Variants in HELLS observed in about 807,000 individuals in gnomAD.
HELLS encodes helicase, lymphoid specific.
Under a neutral mutation model 120.0 loss-of-function variants are expected in HELLS, and 32 were observed. The observed-to-expected ratio is 0.27, with a 90% CI of 0.20 to 0.36. HELLS has a LOEUF of 0.36. HELLS is among the 10% of genes least tolerant of loss of function. The pLI, the probability that HELLS is intolerant of heterozygous loss-of-function variation, is 1.00. For missense variants in HELLS, 650 were observed against 993.4 expected (o/e 0.65, Z 4.65); for synonymous variants, 341 against 323.4 (o/e 1.05, Z -0.58).
rs774230928 is a variant in HELLS at position 94,573,954 on chromosome 10, C to T, written c.478-6C>T. 4 of 1,557,986 alleles carry T rather than the reference C, an allele frequency of 2.6e-6. No homozygotes were observed. The highest frequency in any genetic ancestry group is 2.6e-6 in the Non-Finnish European group (3 of 1,135,780). ...ACACATCTTATTAAACTTTTTTTCT[C>T]TACAGGATGAAAACTCCTCCTCTAC... is the stretch of plus-strand genomic sequence containing the variant. On this transcript the variant is annotated splice_region_variant and splice_polypyrimidine_tract_variant and intron_variant, in intron 7 of 21. Transcript: ENST00000348459.
At chr10:94,583,750 T>G (rs1844988346) in intron 12 of HELLS, among the ~76,000 whole-genome samples, 1 of 152,164 alleles carries the variant, frequency 6.6e-6, no homozygotes, top group Non-Finnish European at 1.5e-5. Flanking sequence ...GAAAAGGACT[T>G]TAAAAATAAA....
In HELLS at chr10:94,571,916, A is replaced by G. The variant is rs556029757; in HGVS notation, c.477+487A>G. On this transcript the variant is annotated intron_variant, in intron 7 of 21. Transcript: ENST00000348459. ...ACTTTTTATTGTTCAAGTACTTAAA[A>G]TTACAAGGTTGCCTAGGGAAGCAAA... is the stretch of plus-strand genomic sequence containing the variant. Among the ~76,000 whole-genome samples the G allele has an allele frequency of 3.3e-5, 5 of 152,330 alleles. No homozygotes were observed. The South Asian group carries it at 8.3e-4, about 25-fold the overall frequency.
At chr10:94,562,926 T>G in intron 6 of HELLS, 50 bp downstream of exon 6, 2 of 1,139,102 alleles carry the variant, frequency 1.8e-6, no homozygotes, top group Non-Finnish European at 2.6e-6. Flanking sequence ...GAGTAAAATG[T>G]AGGTTTTAAA....
intron 6 of HELLS, chr10:94,570,717 A>G (rs1327254550): frequency 6.6e-6 from 1 of 152,008 alleles, no homozygotes; most frequent in East Asian, 1.9e-4. Flanking sequence ...AGCAGCATCT[A>G]GTAGGTACTT....
At chr10:94,571,533 C>T in intron 7 of HELLS, 104 bp downstream of exon 7, 2 of 942,848 alleles carry the variant, frequency 2.1e-6, no homozygotes, top group East Asian at 3.0e-5. Flanking sequence ...CACTATTATC[C>T]TGTTTCTTTG....
At chr10:94,558,288 T>G in intron 4 of HELLS, 93 bp downstream of exon 4, 1 of 1,391,112 alleles carries the variant, frequency 7.2e-7, no homozygotes, top group South Asian at 1.5e-5. Flanking sequence ...CTGTTTAATT[T>G]TAAGTTTCTT....
At chr10:94,564,929 A>G (rs975760290) in intron 6 of HELLS, among the ~76,000 whole-genome samples, 4 of 152,082 alleles carry the variant, frequency 2.6e-5, no homozygotes, top group South Asian at 2.1e-4. Context: ...GCACAACTCT[A>G]TTGTCTACTG....
At chr10:94,606,347 A>AC (rs200639300), downstream of HELLS, among the ~76,000 whole-genome samples, 8 of 149,006 alleles carry the variant, frequency 5.4e-5, no homozygotes, top group East Asian at 4.0e-4. Flanking sequence ...TCTGCCTAGA[A>AC]TTTTTTTGTT....
At chr10:94,571,451 ATT>A (rs773714703) in intron 7 of HELLS, 22 bp downstream of exon 7, 27 of 1,481,534 alleles carry the variant, frequency 1.8e-5, no homozygotes, top group Admixed American at 3.5e-5. Flanking sequence ...ATAATGTAAG[ATT>A]AAGTTTAGAA....
intron 2 of HELLS, among the ~76,000 whole-genome samples, chr10:94,549,836 T>G (rs1012838899): frequency 1.3e-5 from 2 of 152,220 alleles, no homozygotes; most frequent in African/African-American, 4.8e-5. Flanking sequence ...GTTTAAGGAT[T>G]AACCACTTAC....
chr10:94,581,899 G>A (rs1454695525), intron 11 of HELLS, among the ~76,000 whole-genome samples: 1 of 152,190 alleles, frequency 6.6e-6, no homozygotes, highest in East Asian at 1.9e-4. Flanking sequence ...TAGGTGTAAA[G>A]TTGTTACAAG....
At chr10:94,606,351 T>C (rs1002725741), downstream of HELLS, among the ~76,000 whole-genome samples, 1 of 152,100 alleles carries the variant, frequency 6.6e-6, no homozygotes, top group African/African-American at 2.4e-5. Flanking sequence ...CCTAGAATTT[T>C]TTTGTTTGAA....
At chr10:94,602,550 T>C (rs1196182738), downstream of HELLS, among the ~76,000 whole-genome samples, 1 of 152,210 alleles carries the variant, frequency 6.6e-6, no homozygotes, top group East Asian at 1.9e-4. Context: ...CATACATTTC[T>C]GTGTTAGTGT....
chr10:94,560,923 G>C (rs1348946427), intron 4 of HELLS, among the ~76,000 whole-genome samples: 4 of 151,870 alleles, frequency 2.6e-5, no homozygotes, highest in African/African-American at 4.8e-5. Context: ...AGGCATGATG[G>C]CGGGTACCTG....
At chr10:94,606,665 C>T (rs568482382), downstream of HELLS, among the ~76,000 whole-genome samples, 30 of 152,252 alleles carry the variant, frequency 2.0e-4, 1 homozygote, top group African/African-American at 7.0e-4. Flanking sequence ...GCCTAGAACT[C>T]GTAACAAAAT....
chr10:94,603,379 A>G (rs1188904840), downstream of HELLS, among the ~76,000 whole-genome samples: 2 of 152,196 alleles, frequency 1.3e-5, no homozygotes, highest in African/African-American at 2.4e-5. Context: ...CTTCTCCATT[A>G]AAACATTTAC....
intron 8 of HELLS, 179 bp from the exon 9 acceptor site, chr10:94,574,375 G>T (rs1589731420): frequency 7.2e-6 from 5 of 691,510 alleles, no homozygotes; most frequent in Non-Finnish European, 1.2e-5. Flanking sequence ...ATGGCTTCCA[G>T]CACTTTTATG....
chr10:94,593,663 GA>G (rs1845601516), intron 18 of HELLS, 48 bp downstream of exon 18: 3 of 1,149,714 alleles, frequency 2.6e-6, no homozygotes, highest in Non-Finnish European at 3.7e-6. Context: ...TTTCCATTTT[GA>G]ATTTTTTTTT....
chr10:94,589,675 C>G (rs952964831), intron 13 of HELLS, among the ~76,000 whole-genome samples: 8 of 146,940 alleles, frequency 5.4e-5, no homozygotes, highest in Non-Finnish European at 8.9e-5. Flanking sequence ...CTCTTCTCCC[C>G]CCGACTTTTT....
Sources: allele counts gnomAD v4.1 joint callset (sites outside exome capture counted in the v4.1 genomes callset), GRCh38; gene constraint gnomAD v4.1.1; transcripts MANE v1.5; gene names NCBI Gene and HGNC (gene_info 2026-07-23, HGNC 2026-07-21).